NPEPPS: variants seen among roughly 807,000 people sequenced by gnomAD.
The protein encoded by NPEPPS is puromycin-sensitive aminopeptidase.
Under a neutral mutation model 115.5 loss-of-function variants are expected in NPEPPS, and 14 were observed. The observed-to-expected ratio is 0.12, with a 90% CI of 0.08 to 0.19. NPEPPS has a LOEUF of 0.19. Ranked by LOEUF, NPEPPS falls within the 10% of genes least tolerant of loss-of-function variation. The pLI is 1.00. For synonymous variants in NPEPPS, 285 were observed against 390.6 expected, an observed-to-expected ratio of 0.73 and a Z score of 3.19; for missense variants, 523 against 1,110.8, an observed-to-expected ratio of 0.47 and a Z score of 7.52.
At chr17:47,586,487 G>C in intron 8 of NPEPPS, 89 bp downstream of exon 8, 1 of 882,204 alleles carries the variant, frequency 1.1e-6, no homozygotes, top group Non-Finnish European at 1.8e-6. Context: ...AGTAGCTTCT[G>C]CTTTACGATA....
rs569804796 is a variant in NPEPPS at position 47,558,437 on chromosome 17, C to G, written c.341-10980C>G. On this transcript the variant is annotated intron_variant, in intron 2 of 22. Transcript: ENST00000322157. ...GCCACCACACCTGGCCCATCCCCCACTTTTTTTTTTGAGACGGAGTCTCGC... is the reference window on the plus strand; with the variant it reads ...GCCACCACACCTGGCCCATCCCCCAGTTTTTTTTTTGAGACGGAGTCTCGC... Among the ~76,000 whole-genome samples the G allele has an allele frequency of 1.6e-3, 233 of 141,840 alleles. 2 individuals are homozygous for G. Among genetic ancestry groups the G allele is most frequent in the African/African-American group, 5.9e-3 (226 of 38,318 alleles). 93.1% of individuals were successfully genotyped at this position (141,840 alleles called of 152,430 possible). A position where few individuals can be genotyped will look rare whatever the true frequency, so the allele number is the denominator to read the frequency against.
At chr17:47,563,495 TG>T (rs1445197868) in intron 2 of NPEPPS, among the ~76,000 whole-genome samples, 1 of 152,230 alleles carries the variant, frequency 6.6e-6, no homozygotes, top group African/African-American at 2.4e-5. Context: ...CAGCAAAAGC[TG>T]TTATATATAT....
intron 14 of NPEPPS, among the ~76,000 whole-genome samples, 157 bp from the exon 15 acceptor site, chr17:47,601,451 A>G (rs1440077814): frequency 6.6e-6 from 1 of 152,068 alleles, no homozygotes; most frequent in East Asian, 1.9e-4. Context: ...TTGCACTGAT[A>G]CTATTCAGGT....
At chr17:47,569,163 C>G (rs544824236) in intron 2 of NPEPPS, among the ~76,000 whole-genome samples, 1 of 152,016 alleles carries the variant, frequency 6.6e-6, no homozygotes, top group Non-Finnish European at 1.5e-5. Context: ...ATTTATAAAG[C>G]CTTCTTTCCT....
rs1416547974 is a variant in NPEPPS at position 47,535,959 on chromosome 17, C to G, written c.255+4404C>G. ...TCAAGCAATTCTCCTGCCTCAGCCTCCTGAGTAGCTGGGACTACAGGCACG... is the reference window on the plus strand; with the variant it reads ...TCAAGCAATTCTCCTGCCTCAGCCTGCTGAGTAGCTGGGACTACAGGCACG... On this transcript the variant is annotated intron_variant, in intron 1 of 22. Coordinates refer to ENST00000322157, the MANE Select transcript of NPEPPS (RefSeq NM_006310.4). 2.0e-5 allele frequency among the ~76,000 whole-genome samples: 3 copies of G among 151,142 alleles called. No homozygotes were observed. In the East Asian group the frequency reaches 5.9e-4, roughly 30 times the overall value.
intron 12 of NPEPPS, among the ~76,000 whole-genome samples, chr17:47,594,037 C>A (rs1233477211): frequency 1.3e-5 from 2 of 152,088 alleles, no homozygotes; most frequent in African/African-American, 4.8e-5. Flanking sequence ...TGCCTGTAGT[C>A]CCAGCTACTT....
At chr17:47,616,121 C>G (rs939415284) in intron 19 of NPEPPS, among the ~76,000 whole-genome samples, 3 of 152,108 alleles carry the variant, frequency 2.0e-5, no homozygotes, top group Non-Finnish European at 4.4e-5. Context: ...ATTATCTGTC[C>G]ACCCATCTCA....
At chr17:47,530,184 C>A (rs1183117343), upstream of NPEPPS, among the ~76,000 whole-genome samples, 5 of 144,158 alleles carry the variant, frequency 3.5e-5, no homozygotes, top group South Asian at 2.2e-4. Flanking sequence ...ACCTTGTGAT[C>A]CGCCCGCCTC....
At chr17:47,556,283 T>C (rs1910027819) in intron 2 of NPEPPS, among the ~76,000 whole-genome samples, 1 of 151,520 alleles carries the variant, frequency 6.6e-6, no homozygotes, top group Non-Finnish European at 1.5e-5. Flanking sequence ...TGGTGATGAC[T>C]CTTAACGAGC....
At chr17:47,538,833 G>A (rs551779364) in intron 1 of NPEPPS, among the ~76,000 whole-genome samples, 30 of 152,214 alleles carry the variant, frequency 2.0e-4, no homozygotes, top group African/African-American at 6.5e-4. Context: ...CGGCCAGCCT[G>A]TATCTGTTCT....
chr17:47,620,073 A>G (rs1914455856), intron 22 of NPEPPS: 1 of 281,976 alleles, frequency 3.5e-6, no homozygotes, highest in Non-Finnish European at 6.8e-6. Context: ...AATTAGCTGG[A>G]CATGGTGGTG....
At chr17:47,613,984 T>G (rs990729668) in intron 19 of NPEPPS, among the ~76,000 whole-genome samples, 13 of 152,068 alleles carry the variant, frequency 8.5e-5, no homozygotes, top group African/African-American at 2.4e-4. Context: ...TTATTATTTT[T>G]TTTTTTTTTG....
chr17:47,607,143 G>C (rs1054610260), intron 17 of NPEPPS, among the ~76,000 whole-genome samples: 2 of 152,178 alleles, frequency 1.3e-5, no homozygotes, highest in East Asian at 1.9e-4. Flanking sequence ...AGTGAGCTGA[G>C]ATCAGGCCAC....
intron 15 of NPEPPS, chr17:47,601,962 AAGG>A: frequency 4.0e-6 from 2 of 504,574 alleles, no homozygotes; most frequent in South Asian, 2.4e-5. Flanking sequence ...GCATAGGACT[AAGG>A]AGGAGAAGAA....
intron 1 of NPEPPS, among the ~76,000 whole-genome samples, chr17:47,536,734 G>T (rs1201011626): frequency 8.1e-6 from 1 of 124,130 alleles, no homozygotes; most frequent in East Asian, 2.3e-4. Flanking sequence ...TTTTTGAGAC[G>T]GAGTTTTGCT....
chr17:47,525,104 T>C (rs1043856822), intron 1 of NPEPPS, among the ~76,000 whole-genome samples: 57 of 152,150 alleles, frequency 3.7e-4, no homozygotes, highest in African/African-American at 1.3e-3. Context: ...TTCTAATTTC[T>C]GTTATTTCAG....
At chr17:47,526,080 C>T (rs1907422331) in intron 1 of NPEPPS, among the ~76,000 whole-genome samples, 1 of 152,030 alleles carries the variant, frequency 6.6e-6, no homozygotes, top group South Asian at 2.1e-4. Context: ...GACATGGTGG[C>T]GCATGCCTGT....
In NPEPPS at chr17:47,596,560, G is replaced by T. The variant is rs1031459406; in HGVS notation, c.1536+98G>T. On this transcript the variant is annotated intron_variant, in intron 13 of 22. Transcript: ENST00000322157. ...TTTTCTGTACTTTAAGTTTTCTAGT[G>T]ACATTTAAACCAGCCCTGTTACTCT... 3 of 627,302 alleles carry T rather than the reference G, an allele frequency of 4.8e-6. No homozygotes were observed. The African/African-American group carries it at 5.6e-5, about 12-fold the overall frequency. 38.9% of individuals were successfully genotyped at this position (627,302 alleles called of 1,614,324 possible).
At chr17:47,536,004 T>A (rs1201896698) in intron 1 of NPEPPS, among the ~76,000 whole-genome samples, 1 of 151,778 alleles carries the variant, frequency 6.6e-6, no homozygotes, top group Non-Finnish European at 1.5e-5. Context: ...GCCTGGCTGA[T>A]TTTTTTGTAT....
Sources: allele counts gnomAD v4.1 joint callset (sites outside exome capture counted in the v4.1 genomes callset), GRCh38; gene constraint gnomAD v4.1.1; transcripts MANE v1.5; gene names NCBI Gene and HGNC (gene_info 2026-07-23, HGNC 2026-07-21).